Variants in ERC2 observed in about 807,000 individuals in gnomAD.
The protein encoded by ERC2 is ERC protein 2.
Under a neutral mutation model 114.8 loss-of-function variants are expected in ERC2, and 42 were observed. That is an observed-to-expected ratio of 0.37 (90% CI 0.29 to 0.47). The LOEUF is 0.47. Among genes scored for constraint, ERC2 ranks in the 20% least tolerant of loss-of-function variants. The pLI is 0.99. For synonymous variants in ERC2, 454 were observed against 425.5 expected (o/e 1.07, Z -0.82); for missense variants, 939 against 1,150.7 (o/e 0.82, Z 2.66).
chr3:56,195,963 A>G (rs987201384), intron 3 of ERC2, among the ~76,000 whole-genome samples: 2 of 152,204 alleles, frequency 1.3e-5, no homozygotes, highest in African/African-American at 4.8e-5. Context: ...AAAGGAGGCC[A>G]GGGGAGCAGT....
chr3:55,531,277 C>A (rs773641317), intron 17 of ERC2, among the ~76,000 whole-genome samples: 1 of 152,086 alleles, frequency 6.6e-6, no homozygotes, highest in Non-Finnish European at 1.5e-5. Context: ...CATTGGTTAC[C>A]AACACAATTT....
At chr3:55,705,839 A>G (rs1559525714) in intron 15 of ERC2, among the ~76,000 whole-genome samples, 1 of 152,140 alleles carries the variant, frequency 6.6e-6, no homozygotes, top group Non-Finnish European at 1.5e-5. Context: ...TGGTGTTTTT[A>G]TACCTACTCA....
intron 16 of ERC2, among the ~76,000 whole-genome samples, chr3:55,695,900 T>C (rs1469580181): frequency 1.3e-5 from 2 of 152,238 alleles, no homozygotes; most frequent in African/African-American, 4.8e-5. Flanking sequence ...GGGAGCTTTC[T>C]TTCTTATATG....
chr3:55,869,721 A>G (rs1199091794), intron 14 of ERC2, among the ~76,000 whole-genome samples: 2 of 152,132 alleles, frequency 1.3e-5, no homozygotes, highest in Non-Finnish European at 2.9e-5. Flanking sequence ...CAACTTCCTT[A>G]TTAGAGTGTG....
intron 17 of ERC2, among the ~76,000 whole-genome samples, chr3:55,524,620 C>CTT (rs1229763144): frequency 6.8e-6 from 1 of 147,966 alleles, no homozygotes; most frequent in Admixed American, 6.9e-5. Context: ...AATTATATGT[C>CTT]AACATTTAAG....
chr3:55,990,857 C>T (rs2071007909), intron 11 of ERC2, among the ~76,000 whole-genome samples: 1 of 152,184 alleles, frequency 6.6e-6, no homozygotes, highest in Non-Finnish European at 1.5e-5. Context: ...CCATGAAAGG[C>T]TAAGGACAGA....
chr3:55,832,953 T>C (rs553462408), intron 14 of ERC2, among the ~76,000 whole-genome samples: 154 of 151,772 alleles, frequency 1.0e-3, no homozygotes, highest in Non-Finnish European at 1.4e-3. Flanking sequence ...GAGAACTACA[T>C]GAAGAATGTA....
intron 14 of ERC2, chr3:55,852,582 G>T (rs1463164551): frequency 6.5e-6 from 1 of 153,598 alleles, no homozygotes; most frequent in Non-Finnish European, 1.5e-5. Context: ...TAGTGATCGG[G>T]TTAAAAATTC....
At chr3:56,084,824 C>T (rs1327225061) in intron 6 of ERC2, among the ~76,000 whole-genome samples, 3 of 148,078 alleles carry the variant, frequency 2.0e-5, no homozygotes, top group African/African-American at 5.0e-5. Context: ...ACTCATGTAA[C>T]CAAAAACTAC....
intron 7 of ERC2, among the ~76,000 whole-genome samples, chr3:56,031,050 G>A (rs966656341): frequency 6.6e-6 from 1 of 151,886 alleles, no homozygotes; most frequent in Non-Finnish European, 1.5e-5. Context: ...AGCCCCTGTG[G>A]GCAGAGCTTT....
chr3:56,044,227 C>T (rs755456198), intron 7 of ERC2, among the ~76,000 whole-genome samples: 1 of 152,112 alleles, frequency 6.6e-6, no homozygotes, highest in Non-Finnish European at 1.5e-5. Context: ...AGGGAGAATT[C>T]GTTTTGGGAA....
intron 5 of ERC2, among the ~76,000 whole-genome samples, chr3:56,140,933 A>T (rs1399396663): frequency 1.3e-5 from 2 of 152,178 alleles, no homozygotes; most frequent in Non-Finnish European, 1.5e-5. Flanking sequence ...CTGAGGCAGG[A>T]GAATCACTTG....
At chr3:56,293,083 T>C (rs777562977) in intron 3 of ERC2, among the ~76,000 whole-genome samples, 6 of 152,166 alleles carry the variant, frequency 3.9e-5, no homozygotes, top group Non-Finnish European at 7.3e-5. Context: ...AAGGAATGAA[T>C]GGATGGATTA....
chr3:55,714,677 A>ATGTGTG (rs1553639607), intron 15 of ERC2, among the ~76,000 whole-genome samples: 8 of 8,332 alleles, frequency 9.6e-4, no homozygotes, highest in African/African-American at 2.5e-3. Context: ...GTATATATAT[A>ATGTGTG]TATATATATA....
At chr3:55,834,231 A>T (rs1303243078) in intron 14 of ERC2, among the ~76,000 whole-genome samples, 2 of 152,202 alleles carry the variant, frequency 1.3e-5, no homozygotes, top group African/African-American at 4.8e-5. Context: ...GATACCCAGG[A>T]ATTGAACTCA....
At chr3:55,719,499 A>G (rs2064321655) in intron 15 of ERC2, among the ~76,000 whole-genome samples, 1 of 152,202 alleles carries the variant, frequency 6.6e-6, no homozygotes, top group South Asian at 2.1e-4. Context: ...ATTCTAAATT[A>G]CATATTGGGA....
chr3:55,532,331 A>G (rs1258581550), intron 17 of ERC2, among the ~76,000 whole-genome samples: 1 of 152,210 alleles, frequency 6.6e-6, no homozygotes, highest in East Asian at 1.9e-4. Context: ...GAATCTAAGG[A>G]CCGACACAAT....
intron 13 of ERC2, among the ~76,000 whole-genome samples, chr3:55,906,423 C>T (rs1323976295): frequency 1.7e-5 from 2 of 120,814 alleles, no homozygotes; most frequent in African/African-American, 3.2e-5. Context: ...CAGAGCGAGA[C>T]TCTGTCTCAA....
chr3:55,970,953 G>A (rs895853887), intron 12 of ERC2, among the ~76,000 whole-genome samples: 1 of 152,090 alleles, frequency 6.6e-6, no homozygotes, highest in Non-Finnish European at 1.5e-5. Flanking sequence ...TCAATCAACT[G>A]ATGAAAAGAT....
Sources: gnomAD v4.1 joint callset for allele counts (sites outside exome capture counted in the v4.1 genomes callset) on GRCh38, gnomAD v4.1.1 for gene constraint, MANE v1.5 for transcripts, NCBI Gene and HGNC (gene_info 2026-07-23, HGNC 2026-07-21) for gene names.